GREB1: variants seen among roughly 807,000 people sequenced by gnomAD.
The protein encoded by GREB1 is protein GREB1.
A neutral mutation model predicts 200.7 loss-of-function variants in GREB1; 106 were observed. The ratio of observed to expected loss-of-function variants is 0.53; its 90% CI spans 0.45 to 0.62. The LOEUF (loss-of-function observed/expected upper bound fraction) is 0.62. Among genes scored for constraint, GREB1 ranks in the 20% least tolerant of loss-of-function variants. GREB1 has a pLI of 0.00. For missense variants in GREB1, 2,243 were observed against 2,556.8 expected, an observed-to-expected ratio of 0.88 and a Z score of 2.65; for synonymous variants, 1,132 against 1,092.4, an observed-to-expected ratio of 1.04 and a Z score of -0.72.
rs759376675 is a variant in GREB1, at chr2:11,635,316, G to A, written c.5257G>A (p.Gly1753Ser). The change falls in exon 30 of 33, where the codon GGC (glycine) becomes AGC (serine). Residue 1753 changes from glycine to serine, a missense_variant. Gly to Ser is a moderately conservative substitution (Grantham distance 56). Coordinates refer to ENST00000381486, the MANE Select transcript of GREB1 (RefSeq NM_014668.4). ...CTTCAACCTGCGGGTGCACAGCGCC[G>A]GCCTCCTGCTCTGCCGGTTCAACCG... ...VDFNLRVHSA[G>S]LLLCRFNRFS... 9.9e-6 allele frequency: 16 copies of A among 1,613,988 alleles called. No homozygotes were observed. The highest frequency in any genetic ancestry group is 2.7e-5 in the African/African-American group (2 of 74,932).
intron 17 of GREB1, among the ~76,000 whole-genome samples, chr2:11,610,215 C>T (rs1020531552): frequency 1.3e-5 from 2 of 152,154 alleles, no homozygotes; most frequent in Non-Finnish European, 2.9e-5. Flanking sequence ...TCACTGTGAT[C>T]GAAGTGAACA....
intron 1 of GREB1, among the ~76,000 whole-genome samples, chr2:11,523,215 C>T (rs904977535): frequency 2.6e-5 from 4 of 151,980 alleles, no homozygotes; most frequent in African/African-American, 9.7e-5. Context: ...ACAACAGATA[C>T]TGGGGCCTAC....
At position 11,585,782 on chromosome 2, in the gene GREB1, G is replaced by A. The variant is rs6744817; in HGVS notation, c.1036G>A (p.Val346Met). Residue 346 changes from valine to methionine, a missense_variant, in exon 9 of 33, where the codon GTG (valine) becomes ATG (methionine). Transcript: ENST00000381486. ...AKYESAGMSC[V>M]PQVGLVGPAS... is the part of the protein sequence containing the mutation. ...CCTAGAGAGCGCAGGCATGTCCTGCGTGCCGCAGGTTGGCTTGGTGGGACC... is the reference window on the plus strand; with the variant it reads ...CCTAGAGAGCGCAGGCATGTCCTGCATGCCGCAGGTTGGCTTGGTGGGACC... The A allele has an allele frequency of 0.018, 29,541 of 1,613,284 alleles. 2,937 individuals are homozygous for A. In the African/African-American group the frequency reaches 0.27, roughly 15 times the overall value.
At chr2:11,612,472 T>C in intron 18 of GREB1, 23 bp from the exon 19 acceptor site, 1 of 1,574,024 alleles carries the variant, frequency 6.4e-7, no homozygotes, top group African/African-American at 1.3e-5. Context: ...TCTGTGGCTT[T>C]ATTTCTTTTT....
intron 1 of GREB1, among the ~76,000 whole-genome samples, chr2:11,510,877 T>C (rs533796856): frequency 6.6e-6 from 1 of 152,274 alleles, no homozygotes; most frequent in East Asian, 1.9e-4. Context: ...TTCGCCATGT[T>C]GGGCAGGCTG....
chr2:11,498,837 A>G (rs531319165), intron 1 of GREB1, among the ~76,000 whole-genome samples: 27 of 152,296 alleles, frequency 1.8e-4, no homozygotes, highest in African/African-American at 6.3e-4. Context: ...GAAACTGCTG[A>G]CTGATTTCAG....
At position 11,612,575 on chromosome 2, in the gene GREB1, C is replaced by T. The variant is rs1436551522; in HGVS notation, c.3087C>T (p.Phe1029=). ...AGGGTCTGCCTTGCATCCTGATCTT[C>T]AGTGGGATGGACCCGCATGGGGAGT... ...ELEGLPCILI[F]SGMDPHGESL... The change falls in exon 19 of 33, where the codon TTC becomes TTT. Residue 1029 remains phenylalanine (F), a synonymous_variant. Transcript: ENST00000381486. The T allele has an allele frequency of 1.9e-6, 3 of 1,612,206 alleles. No individual in the cohort carries two copies. The highest frequency in any genetic ancestry group is 1.7e-6 in the Non-Finnish European group (2 of 1,179,546).
intron 1 of GREB1, among the ~76,000 whole-genome samples, chr2:11,498,132 A>C (rs181607365): frequency 6.6e-6 from 1 of 150,744 alleles, no homozygotes; most frequent in Admixed American, 6.6e-5. Flanking sequence ...CAATGTATCC[A>C]CTTTTTATTT....
chr2:11,587,560 G>A (rs1680247396), intron 9 of GREB1: 1 of 1,525,426 alleles, frequency 6.6e-7, no homozygotes, highest in African/African-American at 1.4e-5. Flanking sequence ...GAGAAGCAGT[G>A]TCTTTGAGAA....
At chr2:11,554,385 A>G (rs1676231106) in intron 1 of GREB1, among the ~76,000 whole-genome samples, 2 of 152,326 alleles carry the variant, frequency 1.3e-5, no homozygotes, top group South Asian at 4.1e-4. Context: ...AGGGGCGGGA[A>G]ATCAACGTGA....
At chr2:11,593,748 A>G (rs1179100978) in intron 11 of GREB1, among the ~76,000 whole-genome samples, 1 of 150,766 alleles carries the variant, frequency 6.6e-6, no homozygotes, top group Non-Finnish European at 1.5e-5. Context: ...GGATTACAGG[A>G]GTGAGCCACC....
rs574840209 is a variant in GREB1, at chr2:11,641,710, TCTC to T, written c.*1259_*1261del. The T allele has an allele frequency of 2.0e-5, 3 of 152,156 alleles. No homozygotes were observed. In the South Asian group the frequency reaches 6.2e-4, roughly 32 times the overall value. The allele number at this position is 152,156 out of a possible 1,614,324, so 9.4% of individuals were successfully genotyped here. A position where few individuals can be genotyped will look rare whatever the true frequency, so the allele number is the denominator to read the frequency against. On this transcript the variant is annotated 3_prime_UTR_variant, in exon 33 of 33. Coordinates refer to ENST00000381486, the MANE Select transcript of GREB1 (RefSeq NM_014668.4). ...ACCATGTTAGCCAGGATGGTCTCGA[TCTC>T]CTGACCTCGTGATCCGCCCGCCTCG...
chr2:11,520,844 G>A (rs976762154), intron 1 of GREB1, among the ~76,000 whole-genome samples: 4 of 152,118 alleles, frequency 2.6e-5, no homozygotes, highest in Non-Finnish European at 5.9e-5. Flanking sequence ...GGCTGTGTTT[G>A]GGGAGCCATT....
chr2:11,572,632 C>T (rs1558565281), intron 4 of GREB1, among the ~76,000 whole-genome samples: 1 of 151,958 alleles, frequency 6.6e-6, no homozygotes, highest in Non-Finnish European at 1.5e-5. Context: ...TATTTGCTCC[C>T]CTAGGGCCAC....
intron 1 of GREB1, among the ~76,000 whole-genome samples, chr2:11,488,754 G>A (rs930667087): frequency 1.4e-5 from 2 of 140,928 alleles, no homozygotes; most frequent in African/African-American, 2.7e-5. Flanking sequence ...CTGTGCCATT[G>A]TACTCCATCC....
At chr2:11,562,277 A>T (rs1677138545) in intron 2 of GREB1, among the ~76,000 whole-genome samples, 186 bp from the exon 3 acceptor site, 1 of 152,206 alleles carries the variant, frequency 6.6e-6, no homozygotes. Context: ...GTTTGTAAGG[A>T]CAAGTTAATT....
At chr2:11,520,659 A>G (rs774475539) in intron 1 of GREB1, among the ~76,000 whole-genome samples, 1 of 152,194 alleles carries the variant, frequency 6.6e-6, no homozygotes, top group Non-Finnish European at 1.5e-5. Context: ...CCCTGATTAC[A>G]GATGGCAAAG....
At position 11,618,660 on chromosome 2, in the gene GREB1, C is replaced by T. The variant is rs1159967174; in HGVS notation, c.3785C>T (p.Pro1262Leu). 2 of 1,613,738 alleles carry T rather than the reference C, an allele frequency of 1.2e-6. No individual in the cohort carries two copies. Among genetic ancestry groups the T allele is most frequent in the East Asian group, 4.5e-5 (2 of 44,874 alleles). ...CGCCAGCCACCCATTGTCTTCTTGC[C>T]CAAGCTCGTGTACGACATGGTTGTG... ...ACRQPPIVFLPKLVYDMVVST... is the reference protein window; with the variant it reads ...ACRQPPIVFLLKLVYDMVVST... The change falls in exon 22 of 33, where the codon CCC becomes CTC. Residue 1262 changes from proline to leucine, a missense_variant. Around this residue, in one of 3 missense-constraint regions of GREB1, gnomAD observed 587 missense variants for 553.1 expected, o/e 1.06. Coordinates refer to ENST00000381486, the MANE Select transcript of GREB1 (RefSeq NM_014668.4).
chr2:11,596,622 AAG>A (rs1420247150), intron 13 of GREB1, among the ~76,000 whole-genome samples: 1 of 23,112 alleles, frequency 4.3e-5, no homozygotes, highest in Non-Finnish European at 7.7e-5. Flanking sequence ...TGTGTACAGT[AAG>A]AGGGGGCGGG....
Sources: allele counts gnomAD v4.1 joint callset (sites outside exome capture counted in the v4.1 genomes callset), GRCh38; gene constraint gnomAD v4.1.1; regional missense constraint gnomAD v4.1.1; transcripts MANE v1.5; gene names NCBI Gene and HGNC (gene_info 2026-07-23, HGNC 2026-07-21).